CLIP1: variants seen among roughly 807,000 people sequenced by gnomAD.
CLIP1 encodes the protein CAP-Gly domain-containing linker protein 1.
Under a neutral mutation model 161.6 loss-of-function variants are expected in CLIP1, and 66 were observed. The ratio of observed to expected loss-of-function variants is 0.41; its 90% CI spans 0.33 to 0.50. CLIP1 has a LOEUF of 0.50. Among genes scored for constraint, CLIP1 ranks in the 20% least tolerant of loss-of-function variants. The probability of loss-of-function intolerance (pLI) is 0.27; values close to 1 mark genes in which losing one functional copy is unlikely to be tolerated. For missense variants in CLIP1, 1,376 were observed against 1,702.0 expected (o/e 0.81, Z 3.37); for synonymous variants, 598 against 626.2 (o/e 0.96, Z 0.67).
intron 1 of CLIP1, among the ~76,000 whole-genome samples, chr12:122,401,741 G>C (rs1956150494): frequency 6.6e-6 from 1 of 152,096 alleles, no homozygotes; most frequent in Non-Finnish European, 1.5e-5. Context: ...GCTCATGCCT[G>C]TAATCCCAGC....
intron 12 of CLIP1, among the ~76,000 whole-genome samples, chr12:122,335,398 G>A (rs531127895): frequency 6.6e-5 from 10 of 151,902 alleles, no homozygotes; most frequent in African/African-American, 2.4e-4. Flanking sequence ...AAGGTGGCAT[G>A]TCTTGTCCTA....
At chr12:122,353,581 T>G (rs1484687716) in intron 7 of CLIP1, among the ~76,000 whole-genome samples, 3 of 152,194 alleles carry the variant, frequency 2.0e-5, no homozygotes, top group South Asian at 4.2e-4. Context: ...ACCAGTGCAC[T>G]CCAGCCTGAG....
At chr12:122,334,480 G>A (rs148804703) in intron 13 of CLIP1, among the ~76,000 whole-genome samples, 168 bp downstream of exon 13, 67 of 152,344 alleles carry the variant, frequency 4.4e-4, no homozygotes, top group African/African-American at 1.5e-3. Flanking sequence ...TTGGGAGTTT[G>A]AGGCTTCAGG....
intron 10 of CLIP1, among the ~76,000 whole-genome samples, chr12:122,346,240 T>C (rs1440465607): frequency 6.6e-6 from 1 of 152,212 alleles, no homozygotes; most frequent in Non-Finnish European, 1.5e-5. Flanking sequence ...TTATTTAACT[T>C]CTCTGCGCCT....
intron 20 of CLIP1, among the ~76,000 whole-genome samples, chr12:122,307,259 G>A (rs1366177416): frequency 2.0e-5 from 3 of 151,886 alleles, no homozygotes; most frequent in South Asian, 2.1e-4. Flanking sequence ...CACCCGCCTC[G>A]GCCTCCCAAA....
In CLIP1 at chr12:122,316,793, G is replaced by A. The variant is rs1293505643; in HGVS notation, c.3429C>T (p.Leu1143=). 1 of 1,591,548 alleles carries A rather than the reference G, an allele frequency of 6.3e-7. No individual in the cohort carries two copies. Among genetic ancestry groups the A allele is most frequent in the Non-Finnish European group, 8.5e-7 (1 of 1,170,832 alleles). ...NVEELNKSKE[L]LTVENQKMEE... The stretch of plus-strand genomic sequence containing the variant: ...CCATTTTTTGATTCTCTACAGTCAG[G>A]AGTTCTTTTGATTTGTTCAGCTCTT... Residue 1143 remains leucine, a synonymous_variant, in exon 19 of 26, where the codon CTC becomes CTT. Coordinates refer to ENST00000620786, the MANE Select transcript of CLIP1 (RefSeq NM_001247997.2).
intron 3 of CLIP1, among the ~76,000 whole-genome samples, chr12:122,368,279 AAGAAG>A (rs1423351721): frequency 6.6e-6 from 1 of 152,248 alleles, no homozygotes; most frequent in African/African-American, 2.4e-5. Flanking sequence ...GGAGACAGAC[AAGAAG>A]ATTCAGACAA....
At chr12:122,295,561 A>C (rs1950434834) in intron 20 of CLIP1, among the ~76,000 whole-genome samples, 1 of 152,212 alleles carries the variant, frequency 6.6e-6, no homozygotes, top group Non-Finnish European at 1.5e-5. Context: ...CTCCCTGTGC[A>C]CTTGAGAAGT....
chr12:122,376,545 CAA>C (rs944523286), intron 3 of CLIP1, among the ~76,000 whole-genome samples: 2 of 152,076 alleles, frequency 1.3e-5, no homozygotes, highest in African/African-American at 4.8e-5. Flanking sequence ...CGGCTCACTG[CAA>C]GCTCCGCCTC....
intron 20 of CLIP1, among the ~76,000 whole-genome samples, chr12:122,298,083 T>C (rs1950542011): frequency 6.6e-6 from 1 of 152,252 alleles, no homozygotes; most frequent in Admixed American, 6.5e-5. Context: ...GCTCAGTTTC[T>C]CCAACTGCCT....
chr12:122,298,095 A>T (rs1950542432), intron 20 of CLIP1, among the ~76,000 whole-genome samples: 1 of 152,132 alleles, frequency 6.6e-6, no homozygotes, highest in African/African-American at 2.4e-5. Flanking sequence ...CAACTGCCTG[A>T]TCCTGTTTCT....
intron 3 of CLIP1, among the ~76,000 whole-genome samples, chr12:122,376,758 C>T (rs760476200): frequency 3.3e-5 from 5 of 151,998 alleles, no homozygotes; most frequent in Non-Finnish European, 7.4e-5. Context: ...GCATGAGCCA[C>T]GGCACCTGGC....
At position 122,360,940 on chromosome 12, in the gene CLIP1, A is replaced by G. The variant is rs1286271173; in HGVS notation, c.1005+19T>C. The G allele has an allele frequency of 7.6e-6, 12 of 1,588,846 alleles. No homozygotes were observed. The highest frequency in any genetic ancestry group is 9.4e-6 in the Non-Finnish European group (11 of 1,166,342). ...TCCTGCCTGGGAAGTGGAGGCAGGT[A>G]GTGAGAAAGGGGCCTTACTAGTCCT... On this transcript the variant is annotated intron_variant, in intron 5 of 25. Coordinates refer to ENST00000620786, the MANE Select transcript of CLIP1 (RefSeq NM_001247997.2).
intron 1 of CLIP1, among the ~76,000 whole-genome samples, chr12:122,417,161 G>C (rs1311698458): frequency 2.6e-5 from 4 of 152,054 alleles, no homozygotes; most frequent in African/African-American, 9.7e-5. Flanking sequence ...GCCAGGTGTG[G>C]TGGCATGTGC....
chr12:122,365,792 G>C lies in CLIP1; in HGVS notation c.658-1685C>G, dbSNP rs111972595. On this transcript the variant is annotated intron_variant, in intron 3 of 25. Transcript: ENST00000620786. ...GGAGGCCCAGGCAGGAGAACTGCTC[G>C]AGCCCAGGAGTTCGAGACCAGGCTG... Among the ~76,000 whole-genome samples, 788 of 152,048 alleles carry C rather than the reference G, an allele frequency of 5.2e-3. 11 individuals carry two copies. Among genetic ancestry groups the C allele is most frequent in the African/African-American group, 0.017 (709 of 41,470 alleles).
chr12:122,339,289 C>T (rs1010370529), intron 11 of CLIP1, among the ~76,000 whole-genome samples: 7 of 152,106 alleles, frequency 4.6e-5, no homozygotes, highest in African/African-American at 1.7e-4. Flanking sequence ...CAAAGGGCTC[C>T]AAGCTCTTAC....
intron 1 of CLIP1, among the ~76,000 whole-genome samples, chr12:122,414,328 T>C (rs868086809): frequency 1.8e-4 from 28 of 151,948 alleles, no homozygotes; most frequent in Middle Eastern, 3.4e-3. Context: ...TTTTAAGTTT[T>C]TGTAGAGACG....
At chr12:122,403,008 A>G (rs1391315438) in intron 1 of CLIP1, among the ~76,000 whole-genome samples, 1 of 152,132 alleles carries the variant, frequency 6.6e-6, no homozygotes, top group African/African-American at 2.4e-5. Context: ...CCACCAGGCT[A>G]GAATACATAC....
chr12:122,403,499 GTT>G (rs11302150), intron 1 of CLIP1, among the ~76,000 whole-genome samples: 213 of 72,340 alleles, frequency 2.9e-3, no homozygotes, highest in South Asian at 0.027. Flanking sequence ...TTCTTGTTTT[GTT>G]TTTTTTTTTT....
Sources: allele counts gnomAD v4.1 joint callset (sites outside exome capture counted in the v4.1 genomes callset), GRCh38; gene constraint gnomAD v4.1.1; transcripts MANE v1.5; gene names NCBI Gene and HGNC (gene_info 2026-07-23, HGNC 2026-07-21).